The following STAG1 variants were observed in gnomAD, a reference collection of about 807,000 sequenced individuals.
STAG1 encodes the protein cohesin subunit SA-1.
A neutral mutation model predicts 170.9 loss-of-function variants in STAG1; 26 were observed. That is an observed-to-expected ratio of 0.15 (90% CI 0.11 to 0.21). STAG1 has a LOEUF of 0.21. STAG1 is among the 10% of genes least tolerant of loss of function. The probability of loss-of-function intolerance (pLI) is 1.00; values close to 1 mark genes in which losing one functional copy is unlikely to be tolerated. For missense variants in STAG1, 964 were observed against 1,509.5 expected, an observed-to-expected ratio of 0.64 and a Z score of 5.99; for synonymous variants, 514 against 497.7, an observed-to-expected ratio of 1.03 and a Z score of -0.44.
intron 6 of STAG1, among the ~76,000 whole-genome samples, chr3:136,536,005 G>A (rs565711197): frequency 2.0e-5 from 3 of 151,966 alleles, no homozygotes; most frequent in East Asian, 3.9e-4. Flanking sequence ...GTTTTAAAAC[G>A]GAAAGATAAA....
At chr3:136,634,360 C>T (rs930096827) in intron 1 of STAG1, among the ~76,000 whole-genome samples, 10 of 149,918 alleles carry the variant, frequency 6.7e-5, no homozygotes, top group African/African-American at 2.5e-4. Flanking sequence ...CTTCAGCCCC[C>T]AAAACAAACA....
intron 20 of STAG1, among the ~76,000 whole-genome samples, chr3:136,419,822 A>T (rs2087897207): frequency 6.6e-6 from 1 of 152,094 alleles, no homozygotes; most frequent in Non-Finnish European, 1.5e-5. Flanking sequence ...TTTGAAAATT[A>T]TACCTGTAGC....
Position 136,501,211 on chromosome 3 carries a change from T to C in STAG1, c.829-915A>G, listed in dbSNP as rs755244627. Among the ~76,000 whole-genome samples, 30 of 152,364 alleles carry C rather than the reference T, an allele frequency of 2.0e-4. No homozygotes were observed. In the Middle Eastern group the frequency reaches 0.01, roughly 52 times the overall value. On this transcript the variant is annotated intron_variant, in intron 8 of 33. Transcript: ENST00000383202. ...AAAACTAATTAATTTATAAGAGGCA[T>C]ACATTTCTGAGTCAGCAGTACTTAC...
chr3:136,462,193 G>C (rs1242633794), intron 13 of STAG1, among the ~76,000 whole-genome samples: 1 of 152,090 alleles, frequency 6.6e-6, no homozygotes, highest in Non-Finnish European at 1.5e-5. Context: ...CCACTGCTAA[G>C]TATATATCTA....
intron 1 of STAG1, among the ~76,000 whole-genome samples, chr3:136,644,235 G>A (rs767784688): frequency 1.8e-4 from 27 of 152,088 alleles, no homozygotes; most frequent in Admixed American, 7.9e-4. Context: ...AAAACTTTGA[G>A]GATGGTTCAA....
chr3:136,562,998 T>A (rs1452109642), intron 5 of STAG1, among the ~76,000 whole-genome samples: 9 of 152,244 alleles, frequency 5.9e-5, no homozygotes, highest in Non-Finnish European at 8.8e-5. Context: ...AGATTCAGAC[T>A]ATGCACTTCT....
At chr3:136,743,247 A>G (rs763893702) in intron 1 of STAG1, among the ~76,000 whole-genome samples, 2 of 152,150 alleles carry the variant, frequency 1.3e-5, no homozygotes, top group East Asian at 3.9e-4. Flanking sequence ...GGGCACCTGT[A>G]ATCCCAGCTA....
intron 7 of STAG1, among the ~76,000 whole-genome samples, chr3:136,513,870 C>G (rs1934205323): frequency 6.6e-6 from 1 of 151,858 alleles, no homozygotes; most frequent in Non-Finnish European, 1.5e-5. Flanking sequence ...AAAATTCAAA[C>G]AGCAGAAACA....
rs577021949 is a variant in STAG1 at position 136,707,727 on chromosome 3, G to A, written c.-84+44468C>T. Among the ~76,000 whole-genome samples, 9 of 152,178 alleles carry A rather than the reference G, an allele frequency of 5.9e-5. No individual in the cohort carries two copies. The South Asian group carries it at 1.5e-3, about 25-fold the overall frequency. ...GAGGGGAAAGTGTGAGGGATGTCGC[G>A]GCTTTACAACAACACACTCTTGCCG... On this transcript the variant is annotated intron_variant, in intron 1 of 33. Coordinates refer to ENST00000383202, the MANE Select transcript of STAG1 (RefSeq NM_005862.3).
intron 1 of STAG1, among the ~76,000 whole-genome samples, chr3:136,738,248 T>C (rs1934457644): frequency 6.6e-6 from 1 of 152,114 alleles, no homozygotes; most frequent in Admixed American, 6.5e-5. Flanking sequence ...CCTAGCACTC[T>C]GGGAGGCCAA....
intron 15 of STAG1, among the ~76,000 whole-genome samples, chr3:136,435,949 T>G (rs1034101393): frequency 6.6e-6 from 1 of 152,094 alleles, no homozygotes; most frequent in African/African-American, 2.4e-5. Context: ...ATTACAGGTG[T>G]GAGCCACTGC....
intron 21 of STAG1, among the ~76,000 whole-genome samples, chr3:136,406,130 A>T (rs1171216396): frequency 6.6e-6 from 1 of 152,228 alleles, no homozygotes; most frequent in Admixed American, 6.5e-5. Flanking sequence ...CAAATACTGG[A>T]CACAACTCAA....
At chr3:136,518,513 A>G (rs1559853727) in intron 7 of STAG1, 2 of 635,802 alleles carry the variant, frequency 3.1e-6, no homozygotes, top group East Asian at 5.6e-5. Flanking sequence ...AATGTCCTTG[A>G]AAAGAGGGAT....
At position 136,568,235 on chromosome 3, in the gene STAG1, G is replaced by A. The variant is rs536544517; in HGVS notation, c.394+530C>T. 1.7e-3 allele frequency among the ~76,000 whole-genome samples: 253 copies of A among 152,082 alleles called. 1 individual carries two copies. Among genetic ancestry groups the A allele is most frequent in the African/African-American group, 5.1e-3 (212 of 41,492 alleles). ...AACCTGTTAAGATTTATCTAGAGAA[G>A]AAAAAGATCTAGCAGTTATCTCCTA... On this transcript the variant is annotated intron_variant, in intron 5 of 33. Coordinates refer to ENST00000383202, the MANE Select transcript of STAG1 (RefSeq NM_005862.3).
intron 1 of STAG1, among the ~76,000 whole-genome samples, chr3:136,687,301 A>T (rs932713859): frequency 6.6e-6 from 1 of 152,232 alleles, no homozygotes; most frequent in African/African-American, 2.4e-5. Flanking sequence ...ATACTTATTT[A>T]AGGTTCTATT....
At chr3:136,422,109 G>A (rs544058207) in intron 19 of STAG1, among the ~76,000 whole-genome samples, 8 of 148,236 alleles carry the variant, frequency 5.4e-5, no homozygotes, top group South Asian at 2.1e-4. Flanking sequence ...AACTGAGATC[G>A]TGCCACTGCA....
chr3:136,589,628 C>CAAAAAAAAAA (rs71626007), intron 4 of STAG1, among the ~76,000 whole-genome samples: 2 of 46,214 alleles, frequency 4.3e-5, no homozygotes, highest in African/African-American at 7.0e-5. Context: ...CAAAGGGAGC[C>CAAAAAAAAAA]AAAAAAAAAA....
At chr3:136,397,327 A>C (rs2087192953) in intron 22 of STAG1, among the ~76,000 whole-genome samples, 1 of 152,166 alleles carries the variant, frequency 6.6e-6, no homozygotes, top group African/African-American at 2.4e-5. Context: ...CATTTTGCTT[A>C]AGGTTTTACT....
At chr3:136,540,597 G>T (rs1015622014) in intron 6 of STAG1, among the ~76,000 whole-genome samples, 2 of 151,746 alleles carry the variant, frequency 1.3e-5, no homozygotes, top group African/African-American at 4.8e-5. Flanking sequence ...TGAGGTGGTT[G>T]GATCACCTGA....
Sources: gnomAD v4.1 joint callset for allele counts (sites outside exome capture counted in the v4.1 genomes callset) on GRCh38, gnomAD v4.1.1 for gene constraint, MANE v1.5 for transcripts, NCBI Gene and HGNC (gene_info 2026-07-23, HGNC 2026-07-21) for gene names.